TMEM237: variants seen among roughly 807,000 people sequenced by gnomAD.
TMEM237 encodes the protein transmembrane protein 237, also known as amyotrophic lateral sclerosis 2 (juvenile) chromosome region, candidate 4.
TMEM237 carries 51 observed loss-of-function variants against 59.1 expected under a neutral mutation model. That is an observed-to-expected ratio of 0.86 (90% confidence interval 0.69 to 1.09). The LOEUF (loss-of-function observed/expected upper bound fraction) is 1.09. TMEM237 is among the 50% of genes least tolerant of loss of function. The pLI, the probability that TMEM237 is intolerant of heterozygous loss-of-function variation, is 0.00. For missense variants in TMEM237, 475 were observed against 478.3 expected, an observed-to-expected ratio of 0.99 and a Z score of 0.06; for synonymous variants, 140 against 166.1, an observed-to-expected ratio of 0.84 and a Z score of 1.21.
In TMEM237 at chr2:201,624,340, C is replaced by A; in HGVS notation, c.1160-18G>T. The A allele has an allele frequency of 6.2e-7, 1 of 1,600,270 alleles. No individual in the cohort carries two copies. The highest frequency in any genetic ancestry group is 1.1e-5 in the South Asian group (1 of 89,616). ...CATTAACTCTGGAGAAGAAAATGAA[C>A]AGATCATACTTAAAATTGTTTCCCA... is the stretch of plus-strand genomic sequence containing the variant. On this transcript the variant is annotated intron_variant, in intron 12 of 12. Coordinates refer to ENST00000409883, the MANE Select transcript of TMEM237 (RefSeq NM_001044385.3).
Position 201,629,747 on chromosome 2 carries a change from G to GT in TMEM237, c.658dup (p.Thr220AsnfsTer70). 3.1e-6 allele frequency: 5 copies of GT among 1,612,232 alleles called. No homozygotes were observed. Among genetic ancestry groups the GT allele is most frequent in the Non-Finnish European group, 4.2e-6 (5 of 1,179,492 alleles). ...CAGCCACCTGAAAGCCCGGTGCACT[G>GT]TAAGTGCCACATCTCTGGTGGTCCA... On this transcript the variant is annotated frameshift_variant, in exon 8 of 13. Coordinates refer to ENST00000409883, the MANE Select transcript of TMEM237 (RefSeq NM_001044385.3). LOFTEE classifies it high-confidence loss of function.
chr2:201,634,048 G>A (rs1285633692), intron 5 of TMEM237, among the ~76,000 whole-genome samples: 1 of 152,200 alleles, frequency 6.6e-6, no homozygotes, highest in Non-Finnish European at 1.5e-5. Flanking sequence ...ATCACTATGT[G>A]TGCACAAATG....
Position 201,624,347 on chromosome 2 carries a change from T to C in TMEM237, c.1160-25A>G, listed in dbSNP as rs760014948. ...TCTGGAGAAGAAAATGAACAGATCA[T>C]ACTTAAAATTGTTTCCCAGTACCTC... On this transcript the variant is annotated intron_variant, in intron 12 of 12. Coordinates refer to ENST00000409883, the MANE Select transcript of TMEM237 (RefSeq NM_001044385.3). The C allele has an allele frequency of 5.6e-6, 9 of 1,593,700 alleles. No homozygotes were observed. In the East Asian group the frequency reaches 1.8e-4, roughly 32 times the overall value.
Position 201,629,858 on chromosome 2 carries a change from A to C in TMEM237, c.554-6T>G, listed in dbSNP as rs1559586485. On this transcript the variant is annotated splice_region_variant and splice_polypyrimidine_tract_variant and intron_variant, in intron 7 of 12. Coordinates refer to ENST00000409883, the MANE Select transcript of TMEM237 (RefSeq NM_001044385.3). ...ATCAGCAGCCTGGAATCTCCCTAAG[A>C]ACACATAACGTAATTACTAACAACT... is the stretch of plus-strand genomic sequence containing the variant. 1 of 1,609,794 alleles carries C rather than the reference A, an allele frequency of 6.2e-7. No individual in the cohort carries two copies. Among genetic ancestry groups the C allele is most frequent in the Admixed American group, 1.7e-5 (1 of 58,892 alleles).
chr2:201,643,456 C>T lies in TMEM237; in HGVS notation c.-56G>A, dbSNP rs945892124. Reference sequence around the variant, plus strand: ...AACCGCCGGCGGCCCGAGCCCAGCTCCCCGCGACGCAGCGGCCTCCGGGAC... The same window carrying T: ...AACCGCCGGCGGCCCGAGCCCAGCTTCCCGCGACGCAGCGGCCTCCGGGAC... On this transcript the variant is annotated 5_prime_UTR_variant, in exon 1 of 13. Coordinates refer to ENST00000409883, the MANE Select transcript of TMEM237 (RefSeq NM_001044385.3). The surrounding 1 kb of genome is among the most constrained non-coding windows in gnomAD (Gnocchi z 4.3). The T allele has an allele frequency of 6.4e-6, 9 of 1,400,458 alleles. No individual in the cohort carries two copies. The highest frequency in any genetic ancestry group is 8.4e-6 in the Non-Finnish European group (9 of 1,071,146). 86.8% of individuals were successfully genotyped at this position (1,400,458 alleles called of 1,614,324 possible).
chr2:201,635,456 C>A lies in TMEM237; in HGVS notation c.274+1292G>T, dbSNP rs1687280613. Among the ~76,000 whole-genome samples, 1 of 152,204 alleles carries A rather than the reference C, an allele frequency of 6.6e-6. No homozygotes were observed. Among genetic ancestry groups the A allele is most frequent in the Admixed American group, 6.5e-5 (1 of 15,278 alleles). ...GTCAAACAATGCCAAGGACTGTCAA[C>A]AACCATAAGAAGCTAGAAGAAATGG... On this transcript the variant is annotated intron_variant, in intron 5 of 12. Coordinates refer to ENST00000409883, the MANE Select transcript of TMEM237 (RefSeq NM_001044385.3). The surrounding 1 kb of genome is among the most constrained non-coding windows in gnomAD (Gnocchi z 4.5).
rs1273333169 is a variant in TMEM237, at chr2:201,623,613, C to T, written c.*642G>A. ...CTCCCTCTATGATCCTGATGTACAACCAGATATGAGAACCACTAGTACAGA... is the reference window on the plus strand; with the variant it reads ...CTCCCTCTATGATCCTGATGTACAATCAGATATGAGAACCACTAGTACAGA... On this transcript the variant is annotated 3_prime_UTR_variant, in exon 13 of 13. Coordinates refer to ENST00000409883, the MANE Select transcript of TMEM237 (RefSeq NM_001044385.3). The T allele has an allele frequency of 6.6e-6, 1 of 152,446 alleles. No homozygotes were observed. Among genetic ancestry groups the T allele is most frequent in the East Asian group, 1.9e-4 (1 of 5,210 alleles). 9.4% of individuals were successfully genotyped at this position (152,446 alleles called of 1,614,324 possible).
chr2:201,643,274 G>GGCCCCCCCCCCCCCCCCCCC lies in TMEM237; in HGVS notation c.42+84_42+85insGGGGGGGGGGGGGGGGGGGC. On this transcript the variant is annotated intron_variant, in intron 1 of 12. Transcript: ENST00000409883. This position sits in a 1 kb window ranked among gnomAD's most constrained non-coding sequence, Gnocchi z 4.3. ...CCTTAGTGATTCCCAGCTCGTTGGC[G>GGCCCCCCCCCCCCCCCCCCC]CCCCCCCACACACACCCACCCCCAC... The GGCCCCCCCCCCCCCCCCCCC allele has an allele frequency of 8.3e-7, 1 of 1,206,756 alleles. No individual in the cohort carries two copies. Among genetic ancestry groups the GGCCCCCCCCCCCCCCCCCCC allele is most frequent in the Non-Finnish European group, 1.2e-6 (1 of 849,318 alleles). 74.8% of individuals were successfully genotyped at this position (1,206,756 alleles called of 1,614,324 possible).
rs2105901613 is a variant in TMEM237, at chr2:201,635,121, T to G, written c.274+1627A>C. Reference sequence around the variant, plus strand: ...AAATCATACTTCCTCCTTCTAAAACTTCTACCACTGTAACACTGCTATATT... The same window carrying G: ...AAATCATACTTCCTCCTTCTAAAACGTCTACCACTGTAACACTGCTATATT... On this transcript the variant is annotated intron_variant, in intron 5 of 12. Transcript: ENST00000409883. This position sits in a 1 kb window ranked among gnomAD's most constrained non-coding sequence, Gnocchi z 4.5. Among the ~76,000 whole-genome samples, 1 of 152,306 alleles carries G rather than the reference T, an allele frequency of 6.6e-6. No individual in the cohort carries two copies. Among genetic ancestry groups the G allele is most frequent in the East Asian group, 1.9e-4 (1 of 5,188 alleles).
Position 201,621,498 on chromosome 2 carries a change from C to A in TMEM237, c.*2757G>T, listed in dbSNP as rs1214594437. 1 of 152,048 alleles carries A rather than the reference C, an allele frequency of 6.6e-6. No homozygotes were observed. Among genetic ancestry groups the A allele is most frequent in the African/African-American group, 2.4e-5 (1 of 41,358 alleles). The allele number at this position is 152,048 out of a possible 1,614,324, so 9.4% of individuals were successfully genotyped here. On this transcript the variant is annotated 3_prime_UTR_variant, in exon 13 of 13. Coordinates refer to ENST00000409883, the MANE Select transcript of TMEM237 (RefSeq NM_001044385.3). ...TCCTTCAATAGGTCAATGAGTTAAA[C>A]CAAACAAAACAGTAAAAGGAAATGA...
Position 201,620,297 on chromosome 2 carries a change from T to C in TMEM237, c.*3958A>G, listed in dbSNP as rs1052600347. 2 of 152,210 alleles carry C rather than the reference T, an allele frequency of 1.3e-5. No homozygotes were observed. Among genetic ancestry groups the C allele is most frequent in the African/African-American group, 4.8e-5 (2 of 41,456 alleles). 9.4% of individuals were successfully genotyped at this position (152,210 alleles called of 1,614,324 possible). A position where few individuals can be genotyped will look rare whatever the true frequency, so the allele number is the denominator to read the frequency against. On this transcript the variant is annotated 3_prime_UTR_variant, in exon 13 of 13. Transcript: ENST00000409883. Reference sequence around the variant, plus strand: ...TCAGGATCATTATTTATTCCTCTTATTTTTGGAATCTATTCTTCTTTTATT... The same window carrying C: ...TCAGGATCATTATTTATTCCTCTTACTTTTGGAATCTATTCTTCTTTTATT...
chr2:201,641,577 T>G (rs1453992541), intron 1 of TMEM237, among the ~76,000 whole-genome samples: 1 of 151,810 alleles, frequency 6.6e-6, no homozygotes, highest in Admixed American at 6.6e-5. Flanking sequence ...TACATTCTAG[T>G]GGTTGAGTAT....
intron 7 of TMEM237, among the ~76,000 whole-genome samples, chr2:201,630,660 T>C (rs896067059): frequency 1.3e-5 from 2 of 152,228 alleles, no homozygotes; most frequent in East Asian, 1.9e-4. Flanking sequence ...GAAATTTCTA[T>C]GCTAAGTGAA....
Position 201,620,743 on chromosome 2 carries a change from A to G in TMEM237, c.*3512T>C, listed in dbSNP as rs1355330252. The G allele has an allele frequency of 1.3e-5, 2 of 151,004 alleles. No individual in the cohort carries two copies. The highest frequency in any genetic ancestry group is 2.5e-5 in the African/African-American group (1 of 40,316). 9.4% of individuals were successfully genotyped at this position (151,004 alleles called of 1,614,324 possible). A position where few individuals can be genotyped will look rare whatever the true frequency, so the allele number is the denominator to read the frequency against. ...AGGTGTGGTTTTGTGCAGTCTTTTA[A>G]TGATAGTCCTCATTATCAGACATCT... On this transcript the variant is annotated 3_prime_UTR_variant, in exon 13 of 13. Transcript: ENST00000409883.
At chr2:201,629,645 T>C in intron 8 of TMEM237, 84 bp downstream of exon 8, 2 of 1,525,864 alleles carry the variant, frequency 1.3e-6, no homozygotes, top group Non-Finnish European at 1.8e-6. Flanking sequence ...TTAATAATAC[T>C]GAACAACCAA....
chr2:201,638,823 C>T (rs1451364982), intron 4 of TMEM237, 166 bp downstream of exon 4: 3 of 692,274 alleles, frequency 4.3e-6, no homozygotes, highest in South Asian at 1.9e-5. Flanking sequence ...CCCTGTACCT[C>T]ACCACCACCA....
intron 5 of TMEM237, chr2:201,634,366 A>C (rs1250281676): frequency 6.6e-6 from 1 of 152,258 alleles, no homozygotes; most frequent in Non-Finnish European, 1.5e-5. Flanking sequence ...CTGGAAATAT[A>C]ATGCAAGCAG....
Position 201,643,094 on chromosome 2 carries a change from C to T in TMEM237, c.42+265G>A. 1 of 1,011,126 alleles carries T rather than the reference C, an allele frequency of 9.9e-7. No homozygotes were observed. The highest frequency in any genetic ancestry group is 1.3e-6 in the Non-Finnish European group (1 of 743,574). 62.6% of individuals were successfully genotyped at this position (1,011,126 alleles called of 1,614,324 possible). Reference sequence around the variant, plus strand: ...GGCCCCGGGCCTCAGATGAGTGAGGCGTCGTCGTGGCAACGCGGGCTCAGG... The same window carrying T: ...GGCCCCGGGCCTCAGATGAGTGAGGTGTCGTCGTGGCAACGCGGGCTCAGG... On this transcript the variant is annotated intron_variant, in intron 1 of 12. Transcript: ENST00000409883. The surrounding 1 kb of genome is among the most constrained non-coding windows in gnomAD (Gnocchi z 4.3).
chr2:201,624,048 C>T lies in TMEM237; in HGVS notation c.*207G>A, dbSNP rs1957735192. On this transcript the variant is annotated 3_prime_UTR_variant, in exon 13 of 13. Coordinates refer to ENST00000409883, the MANE Select transcript of TMEM237 (RefSeq NM_001044385.3). ...GTTTCTAGTTCATTATTCCCTTTGT[C>T]ATTAAGATGATAATGCTAGACAAAT... 2.5e-6 allele frequency: 1 copy of T among 397,802 alleles called. No homozygotes were observed. The highest frequency in any genetic ancestry group is 4.3e-5 in the Admixed American group (1 of 23,428). The allele number at this position is 397,802 out of a possible 1,614,324, so 24.6% of individuals were successfully genotyped here.
Sources: allele counts gnomAD v4.1 joint callset (sites outside exome capture counted in the v4.1 genomes callset), GRCh38; gene constraint gnomAD v4.1.1; non-coding constraint Gnocchi (gnomAD v3.1); transcripts MANE v1.5; gene names NCBI Gene and HGNC (gene_info 2026-07-23, HGNC 2026-07-21).